Variants in PHF3 observed in about 807,000 individuals in gnomAD.
PHF3 encodes PHD finger protein 3.
Under a neutral mutation model 178.4 loss-of-function variants are expected in PHF3, and 41 were observed. The observed-to-expected ratio is 0.23, with a 90% confidence interval of 0.18 to 0.30. The LOEUF is 0.30. Ranked by LOEUF, PHF3 falls within the 10% of genes least tolerant of loss-of-function variation. PHF3 has a pLI of 1.00. For missense variants in PHF3, 2,346 were observed against 2,398.1 expected (o/e 0.98, Z 0.45); for synonymous variants, 842 against 800.5 (o/e 1.05, Z -0.88).
In PHF3 at chr6:63,685,068, A is replaced by T. The variant is rs757149871; in HGVS notation, c.1346A>T (p.Lys449Ile). 7.4e-6 allele frequency: 12 copies of T among 1,613,926 alleles called. No individual in the cohort carries two copies. The highest frequency in any genetic ancestry group is 1.0e-5 in the Non-Finnish European group (12 of 1,179,972). The change falls in exon 4 of 16, where the codon AAA becomes ATA. Residue 449 changes from lysine to isoleucine, a missense_variant. This residue lies in a region of PHF3 where 843 missense variants were observed against 795.2 expected (regional missense o/e 1.06). Transcript: ENST00000262043. ...AICDVPDQNSKQLNAIESTKI... is the reference protein window; with the variant it reads ...AICDVPDQNSIQLNAIESTKI... ...TGTGATGTGCCTGACCAAAATTCAA[A>T]ACAGTTGAATGCTATAGAAAGTACT...
At chr6:63,681,212 T>G (rs1039303665) in intron 3 of PHF3, among the ~76,000 whole-genome samples, 1 of 152,056 alleles carries the variant, frequency 6.6e-6, no homozygotes, top group Admixed American at 6.6e-5. Flanking sequence ...GTATGTTATC[T>G]GATTTCTTCT....
chr6:63,690,825 A>G (rs1288966977), intron 4 of PHF3, among the ~76,000 whole-genome samples: 3 of 152,132 alleles, frequency 2.0e-5, no homozygotes, highest in East Asian at 1.9e-4. Flanking sequence ...CTCATTTGCT[A>G]TTATTTTCAA....
At chr6:63,667,533 T>C (rs1182727811) in intron 2 of PHF3, among the ~76,000 whole-genome samples, 10 of 152,366 alleles carry the variant, frequency 6.6e-5, no homozygotes, top group African/African-American at 1.9e-4. Flanking sequence ...AAAGGACTTA[T>C]ATATAACAAT....
At chr6:63,639,087 C>T (rs1764468556) in intron 1 of PHF3, among the ~76,000 whole-genome samples, 1 of 152,058 alleles carries the variant, frequency 6.6e-6, no homozygotes, top group African/African-American at 2.4e-5. Flanking sequence ...GTGGACTTGA[C>T]AATTATTGTC....
At position 63,712,537 on chromosome 6, in the gene PHF3, G is replaced by A; in HGVS notation, c.4949G>A (p.Arg1650Lys). The change falls in exon 16 of 16, where the codon AGG (arginine) becomes AAG (lysine). Residue 1650 changes from arginine (R) to lysine (K), a missense_variant. Physicochemically the swap from Arg to Lys is conservative, Grantham distance 26. Around this residue, in one of 8 missense-constraint regions of PHF3, gnomAD observed 839 missense variants for 806.9 expected, o/e 1.04. Transcript: ENST00000262043. The part of the protein sequence containing the change: ...ARSPQFINLK[R>K]DPRQAAGRSQ... Reference sequence around the variant, plus strand: ...TCTCCACAGTTTATCAACCTGAAAAGGGATCCTAGGCAAGCAGCAGGACGA... The same window carrying A: ...TCTCCACAGTTTATCAACCTGAAAAAGGATCCTAGGCAAGCAGCAGGACGA... 6.2e-7 allele frequency: 1 copy of A among 1,613,640 alleles called. No individual in the cohort carries two copies. The highest frequency in any genetic ancestry group is 8.5e-7 in the Non-Finnish European group (1 of 1,179,822).
chr6:63,706,032 G>A lies in PHF3; in HGVS notation c.3371G>A (p.Arg1124Gln), dbSNP rs759798544. Residue 1124 changes from arginine to glutamine, a missense_variant, in exon 12 of 16, where the codon CGA becomes CAA. Physicochemically the swap from Arg to Gln is conservative, Grantham distance 43. Around this residue, in one of 8 missense-constraint regions of PHF3, gnomAD observed 205 missense variants for 212.4 expected, o/e 0.97. Transcript: ENST00000262043. ...FDLNCKICIG[R>Q]MAPPVDDLSP... The stretch of plus-strand genomic sequence containing the variant: ...TTTTGATGTATTCTGGGCTTAGGTC[G>A]AATGGCACCACCTGTAGATGATCTT... 4 of 1,609,912 alleles carry A rather than the reference G, an allele frequency of 2.5e-6. No individual in the cohort carries two copies. The highest frequency in any genetic ancestry group is 2.5e-6 in the Non-Finnish European group (3 of 1,178,636).
chr6:63,648,378 G>A (rs1764877397), intron 2 of PHF3, among the ~76,000 whole-genome samples: 1 of 152,142 alleles, frequency 6.6e-6, no homozygotes, highest in South Asian at 2.1e-4. Context: ...AATTCAGGAA[G>A]AACATTTATT....
chr6:63,665,677 C>A (rs1406071290), intron 2 of PHF3, among the ~76,000 whole-genome samples: 1 of 151,630 alleles, frequency 6.6e-6, no homozygotes, highest in African/African-American at 2.4e-5. Context: ...TTAGTAGAGA[C>A]GGGGCTTCAT....
chr6:63,711,123 T>G (rs531703902), intron 14 of PHF3, 44 bp from the exon 15 acceptor site: 1 of 1,388,442 alleles, frequency 7.2e-7, no homozygotes, highest in African/African-American at 1.4e-5. Context: ...AAGCTACTCT[T>G]TAGCTTATTA....
At chr6:63,696,315 G>A (rs2149596236) in intron 6 of PHF3, among the ~76,000 whole-genome samples, 1 of 152,138 alleles carries the variant, frequency 6.6e-6, no homozygotes, top group South Asian at 2.1e-4. Context: ...GGAAGCACCA[G>A]CATTTATTTT....
chr6:63,712,395 A>T lies in PHF3; in HGVS notation c.4807A>T (p.Asn1603Tyr). Residue 1603 changes from asparagine (N) to tyrosine (Y), a missense_variant, in exon 16 of 16, where the codon AAT becomes TAT. Coordinates refer to ENST00000262043, the MANE Select transcript of PHF3 (RefSeq NM_001370348.2). ...AAGACAGCTTCAGGAAGATCAAGAG[A>T]ATAATTTGCAAGATAACCAGACTTC... ...LKRQLQEDQENNLQDNQTSNS... is the reference protein window; with the variant it reads ...LKRQLQEDQEYNLQDNQTSNS... 6.2e-7 allele frequency: 1 copy of T among 1,613,958 alleles called. No individual in the cohort carries two copies. Among genetic ancestry groups the T allele is most frequent in the Non-Finnish European group, 8.5e-7 (1 of 1,179,922 alleles).
chr6:63,662,363 C>T (rs901377105), intron 2 of PHF3, among the ~76,000 whole-genome samples: 4 of 152,032 alleles, frequency 2.6e-5, no homozygotes, highest in South Asian at 2.1e-4. Flanking sequence ...GTTTTATAGC[C>T]CACATTTAAA....
intron 13 of PHF3, among the ~76,000 whole-genome samples, chr6:63,708,081 G>A (rs1488446598): frequency 6.6e-6 from 1 of 151,946 alleles, no homozygotes; most frequent in Non-Finnish European, 1.5e-5. Flanking sequence ...TAGCCAGGCC[G>A]GTTCTGAACT....
rs1230620025 is a variant in PHF3 at position 63,712,985 on chromosome 6, G to T, written c.5397G>T (p.Arg1799Ser). The change falls in exon 16 of 16, where the codon AGG (arginine) becomes AGT (serine). Residue 1799 changes from arginine to serine, a missense_variant. By Grantham distance (110) the Arg-to-Ser change is moderately radical. Around this residue, in one of 8 missense-constraint regions of PHF3, gnomAD observed 839 missense variants for 806.9 expected, o/e 1.04. Coordinates refer to ENST00000262043, the MANE Select transcript of PHF3 (RefSeq NM_001370348.2). ...CAAGTACAAACTTTTCACCCATGAG[G>T]CCACAGCAGCCCAACCTTCAGCATC... Reference protein sequence around the residue: ...PRTSTNFSPMRPQQPNLQHLK... With the variant: ...PRTSTNFSPMSPQQPNLQHLK... 1.9e-6 allele frequency: 3 copies of T among 1,613,820 alleles called. No homozygotes were observed. The highest frequency in any genetic ancestry group is 3.3e-5 in the Admixed American group (2 of 59,964).
intron 9 of PHF3, chr6:63,702,281 CT>C (rs1767507585): frequency 4.1e-6 from 1 of 241,308 alleles, no homozygotes; most frequent in Non-Finnish European, 8.0e-6. Context: ...TACATGTGAA[CT>C]TCTCATGGTT....
chr6:63,702,794 A>C (rs1767530015), intron 10 of PHF3, among the ~76,000 whole-genome samples, 155 bp downstream of exon 10: 1 of 152,220 alleles, frequency 6.6e-6, no homozygotes, highest in South Asian at 2.1e-4. Context: ...TTGAGTGTTG[A>C]GTAATGTCTC....
intron 4 of PHF3, among the ~76,000 whole-genome samples, chr6:63,689,387 C>T (rs1766894828): frequency 1.3e-5 from 2 of 151,978 alleles, no homozygotes; most frequent in South Asian, 4.2e-4. Context: ...ATTTAAAAAA[C>T]AAACAGACTT....
rs934094398 is a variant in PHF3 at position 63,720,541 on chromosome 6, A to T, written c.*6833A>T. On this transcript the variant is annotated 3_prime_UTR_variant, in exon 16 of 16. Coordinates refer to ENST00000262043, the MANE Select transcript of PHF3 (RefSeq NM_001370348.2). ...CCGTAAGCAATGTATCAAAGAAATAACTATCAAAATAACTGCATTTATGTA... is the reference window on the plus strand; with the variant it reads ...CCGTAAGCAATGTATCAAAGAAATATCTATCAAAATAACTGCATTTATGTA... The T allele has an allele frequency of 3.1e-6, 4 of 1,281,850 alleles. No homozygotes were observed. The highest frequency in any genetic ancestry group is 3.0e-5 in the African/African-American group (2 of 66,184). 79.4% of individuals were successfully genotyped at this position (1,281,850 alleles called of 1,614,324 possible). A position where few individuals can be genotyped will look rare whatever the true frequency, so the allele number is the denominator to read the frequency against.
chr6:63,679,270 A>G (rs966653218), intron 2 of PHF3, among the ~76,000 whole-genome samples: 1 of 152,064 alleles, frequency 6.6e-6, no homozygotes, highest in African/African-American at 2.4e-5. Flanking sequence ...CAATATGAGT[A>G]CGGTGTTACT....
Sources: allele counts gnomAD v4.1 joint callset (sites outside exome capture counted in the v4.1 genomes callset), GRCh38; gene constraint gnomAD v4.1.1; regional missense constraint gnomAD v4.1.1; transcripts MANE v1.5; gene names NCBI Gene and HGNC (gene_info 2026-07-23, HGNC 2026-07-21).